Variants in MARCHF3 observed in about 807,000 individuals in gnomAD.
MARCHF3 encodes the protein E3 ubiquitin-protein ligase MARCHF3.
In MARCHF3, 13 loss-of-function variants were observed where a neutral mutation model predicts 24.2. The ratio of observed to expected loss-of-function variants is 0.54; its 90% confidence interval spans 0.35 to 0.85. The LOEUF is 0.85. MARCHF3 is among the 40% of genes least tolerant of loss of function. MARCHF3 has a pLI of 0.01. For synonymous variants in MARCHF3, 144 were observed against 137.3 expected, an observed-to-expected ratio of 1.05 and a Z score of -0.34; for missense variants, 276 against 325.0, an observed-to-expected ratio of 0.85 and a Z score of 1.16.
intron 3 of MARCHF3, among the ~76,000 whole-genome samples, chr5:126,891,243 G>A (rs896291296): frequency 1.3e-5 from 2 of 151,846 alleles, no homozygotes; most frequent in South Asian, 4.2e-4. Flanking sequence ...TAGGTTACCT[G>A]TTCACTCTGA....
rs1222369193 is a variant in MARCHF3 at position 126,869,021 on chromosome 5, C to T, written c.*1612G>A. On this transcript the variant is annotated 3_prime_UTR_variant, in exon 5 of 5. Transcript: ENST00000308660. ...AAATCTATTGTCACAAGCCATAAAG[C>T]ACATCTGAGTTTTGCAGCGGAGAGC... 1 of 152,188 alleles carries T rather than the reference C, an allele frequency of 6.6e-6. No homozygotes were observed. The highest frequency in any genetic ancestry group is 2.4e-5 in the African/African-American group (1 of 41,418). 9.4% of individuals were successfully genotyped at this position (152,188 alleles called of 1,614,324 possible). A position where few individuals can be genotyped will look rare whatever the true frequency, so the allele number is the denominator to read the frequency against.
chr5:126,912,827 G>A (rs1754586428), intron 3 of MARCHF3, among the ~76,000 whole-genome samples: 1 of 152,220 alleles, frequency 6.6e-6, no homozygotes, highest in African/African-American at 2.4e-5. Context: ...CCCAGCTTGG[G>A]AAGGTTTGCC....
chr5:126,938,972 C>T (rs1019654936), intron 1 of MARCHF3, among the ~76,000 whole-genome samples: 1 of 152,090 alleles, frequency 6.6e-6, no homozygotes, highest in Non-Finnish European at 1.5e-5. Context: ...TAAGCTTGTC[C>T]CGTCACTAAA....
At chr5:126,886,836 G>A (rs1402754528) in intron 3 of MARCHF3, among the ~76,000 whole-genome samples, 1 of 152,084 alleles carries the variant, frequency 6.6e-6, no homozygotes, top group Non-Finnish European at 1.5e-5. Flanking sequence ...AACACCTGGT[G>A]GCTCTCATAA....
intron 1 of MARCHF3, among the ~76,000 whole-genome samples, chr5:126,935,601 CTTTTTTTTTTTT>C (rs202058243): frequency 1.6e-4 from 11 of 70,592 alleles, no homozygotes; most frequent in South Asian, 5.8e-4. Context: ...GTATATATGG[CTTTTTTTTTTTT>C]TTTTTTTTTT....
intron 3 of MARCHF3, among the ~76,000 whole-genome samples, chr5:126,889,762 G>T (rs115321737): frequency 1.3e-5 from 2 of 152,172 alleles, no homozygotes; most frequent in Non-Finnish European, 2.9e-5. Context: ...AATGGATTAG[G>T]AATCATTCAA....
At chr5:126,891,026 C>A in intron 3 of MARCHF3, among the ~76,000 whole-genome samples, 1 of 150,350 alleles carries the variant, frequency 6.7e-6, no homozygotes, top group African/African-American at 2.5e-5. Context: ...ATTTGCATTT[C>A]TCTGATGGCC....
In MARCHF3 at chr5:126,915,091, T is replaced by C; in HGVS notation, c.232A>G (p.Ser78Gly). The C allele has an allele frequency of 6.2e-7, 1 of 1,614,200 alleles. No individual in the cohort carries two copies. The highest frequency in any genetic ancestry group is 8.5e-7 in the Non-Finnish European group (1 of 1,180,038). Residue 78 changes from serine (S) to glycine (G), a missense_variant, in exon 3 of 5, where the codon AGC becomes GGC. Physicochemically the swap from Ser to Gly is moderately conservative, Grantham distance 56 (BLOSUM62 0). Coordinates refer to ENST00000308660, the MANE Select transcript of MARCHF3 (RefSeq NM_178450.5). ...GGAGAGAGCAAGTCCTCTTGGCTGC[T>C]GCCCTCGTGGCAGATCCTGCACATC... ...RPMCRICHEG[S>G]SQEDLLSPCE...
chr5:126,903,957 T>TC (rs1390650802), intron 3 of MARCHF3, among the ~76,000 whole-genome samples: 1 of 43,550 alleles, frequency 2.3e-5, no homozygotes, highest in Non-Finnish European at 4.4e-5. Flanking sequence ...ATGCTATCCC[T>TC]CCCCCCTCCC....
intron 1 of MARCHF3, among the ~76,000 whole-genome samples, chr5:126,949,855 A>C (rs1750157714): frequency 1.3e-5 from 2 of 152,230 alleles, no homozygotes; most frequent in Admixed American, 6.5e-5. Flanking sequence ...CCAAAAAATA[A>C]GGAGTGGCAG....
At chr5:126,909,499 C>A (rs1182083767) in intron 3 of MARCHF3, among the ~76,000 whole-genome samples, 2 of 152,250 alleles carry the variant, frequency 1.3e-5, no homozygotes, top group Non-Finnish European at 2.9e-5. Flanking sequence ...CCCTCCGAGC[C>A]ACGCACAGGA....
intron 1 of MARCHF3, among the ~76,000 whole-genome samples, chr5:127,018,253 C>T (rs1315507445): frequency 1.3e-5 from 2 of 152,034 alleles, no homozygotes; most frequent in Non-Finnish European, 2.9e-5. Flanking sequence ...CGCCTGTAAT[C>T]CTAGCTGCTA....
intron 1 of MARCHF3, among the ~76,000 whole-genome samples, chr5:126,953,641 G>T (rs897027794): frequency 7.9e-5 from 12 of 152,104 alleles, no homozygotes; most frequent in Non-Finnish European, 1.3e-4. Flanking sequence ...TTACTTCTTT[G>T]TAAGTAACTT....
At chr5:127,008,465 G>A (rs1752376176) in intron 1 of MARCHF3, among the ~76,000 whole-genome samples, 1 of 152,176 alleles carries the variant, frequency 6.6e-6, no homozygotes, top group African/African-American at 2.4e-5. Flanking sequence ...GGAGAACTGG[G>A]TAACGTCAAT....
chr5:126,909,131 C>T (rs545283471), intron 3 of MARCHF3, among the ~76,000 whole-genome samples: 9 of 151,994 alleles, frequency 5.9e-5, no homozygotes, highest in Non-Finnish European at 1.0e-4. Flanking sequence ...TTAGGCTGCT[C>T]GGGGGTCAGG....
At chr5:126,906,586 T>C (rs2126786655) in intron 3 of MARCHF3, among the ~76,000 whole-genome samples, 1 of 152,350 alleles carries the variant, frequency 6.6e-6, no homozygotes, top group Non-Finnish European at 1.5e-5. Flanking sequence ...TTCTTCTAGA[T>C]TTTCTAGTTT....
intron 1 of MARCHF3, among the ~76,000 whole-genome samples, chr5:126,933,219 C>A (rs1452145163): frequency 6.6e-6 from 1 of 152,162 alleles, no homozygotes; most frequent in Non-Finnish European, 1.5e-5. Context: ...TTATTAAGTT[C>A]TACTTTCAAG....
chr5:126,990,527 A>T (rs1751717404), intron 1 of MARCHF3, among the ~76,000 whole-genome samples: 1 of 152,242 alleles, frequency 6.6e-6, no homozygotes, highest in Non-Finnish European at 1.5e-5. Flanking sequence ...CAATGGCAAC[A>T]AAAGCCAAAA....
intron 1 of MARCHF3, among the ~76,000 whole-genome samples, chr5:127,029,134 A>C: frequency 6.6e-6 from 1 of 152,190 alleles, no homozygotes; most frequent in East Asian, 1.9e-4. Context: ...AGCTCAGAGG[A>C]TCCATCTCTG....
Sources: gnomAD v4.1 joint callset for allele counts (sites outside exome capture counted in the v4.1 genomes callset) on GRCh38, gnomAD v4.1.1 for gene constraint, MANE v1.5 for transcripts, NCBI Gene and HGNC (gene_info 2026-07-23, HGNC 2026-07-21) for gene names.